Variants in NRG2 observed in about 807,000 individuals in gnomAD.
NRG2 encodes neuregulin 2.
A neutral mutation model predicts 73.9 loss-of-function variants in NRG2; 27 were observed. The ratio of observed to expected loss-of-function variants is 0.37; its 90% CI spans 0.27 to 0.50. NRG2 has a LOEUF of 0.50. NRG2 is among the 20% of genes least tolerant of loss of function. NRG2 has a pLI of 0.96. For synonymous variants in NRG2, 532 were observed against 541.0 expected, an observed-to-expected ratio of 0.98 and a Z score of 0.23; for missense variants, 1,126 against 1,210.1, an observed-to-expected ratio of 0.93 and a Z score of 1.03.
intron 1 of NRG2, among the ~76,000 whole-genome samples, chr5:139,941,359 G>A (rs1446604234): frequency 6.6e-6 from 1 of 151,252 alleles, no homozygotes; most frequent in Non-Finnish European, 1.5e-5. Context: ...GCCTATTAAT[G>A]AGAATAATAG....
Position 139,948,417 on chromosome 5 carries a change from A to G in NRG2, c.701-60906T>C, listed in dbSNP as rs1055748916. Among the ~76,000 whole-genome samples, 3 of 152,110 alleles carry G rather than the reference A, an allele frequency of 2.0e-5. No individual in the cohort carries two copies. The South Asian group carries it at 6.2e-4, about 32-fold the overall frequency. On this transcript the variant is annotated intron_variant, in intron 1 of 9. Coordinates refer to ENST00000361474, the MANE Select transcript of NRG2 (RefSeq NM_004883.3). ...CTGAGCCACTCTTTCTCCCACACAG[A>G]GGTCCGCTTCACATATAATTGTTAC... is the stretch of plus-strand genomic sequence containing the variant.
Position 139,884,493 on chromosome 5 carries a change from T to C in NRG2, c.872+2847A>G, listed in dbSNP as rs546965631. On this transcript the variant is annotated intron_variant, in intron 2 of 9. Coordinates refer to ENST00000361474, the MANE Select transcript of NRG2 (RefSeq NM_004883.3). ...AAGAGCCCCAAGGCTGTACCTGGCA[T>C]GCAGTAGGCTCTCAAGCTCTGTCTT... Among the ~76,000 whole-genome samples the C allele has an allele frequency of 5.3e-5, 8 of 152,348 alleles. No individual in the cohort carries two copies. In the South Asian group the frequency reaches 1.7e-3, roughly 32 times the overall value.
intron 1 of NRG2, among the ~76,000 whole-genome samples, chr5:140,024,243 A>G (rs891692033): frequency 2.6e-5 from 4 of 151,974 alleles, no homozygotes; most frequent in African/African-American, 9.7e-5. Context: ...AGGGTTACTA[A>G]CAGAGTAAAA....
intron 1 of NRG2, among the ~76,000 whole-genome samples, chr5:139,959,166 A>G (rs1362020986): frequency 6.6e-6 from 1 of 151,772 alleles, no homozygotes; most frequent in Non-Finnish European, 1.5e-5. Flanking sequence ...GAGACAGAGA[A>G]TAAGACTTCC....
At chr5:140,033,184 A>G (rs937282094) in intron 1 of NRG2, among the ~76,000 whole-genome samples, 2 of 152,230 alleles carry the variant, frequency 1.3e-5, no homozygotes, top group African/African-American at 4.8e-5. Context: ...AGGATGAATG[A>G]TTCAGTGTGA....
intron 1 of NRG2, among the ~76,000 whole-genome samples, chr5:139,960,527 C>T (rs548515290): frequency 6.6e-6 from 1 of 151,846 alleles, no homozygotes; most frequent in East Asian, 1.9e-4. Context: ...AACAAACAAA[C>T]AAAAAAAATT....
rs1200098194 is a variant in NRG2 at position 139,957,351 on chromosome 5, GTGCA to G, written c.701-69844_701-69841del. ...TGTGTGTGTGTGTGTGTGTGTGTGT[GTGCA>G]CATTCATATAAAGAATCCTGAGAAC... On this transcript the variant is annotated intron_variant, in intron 1 of 9. Coordinates refer to ENST00000361474, the MANE Select transcript of NRG2 (RefSeq NM_004883.3). Among the ~76,000 whole-genome samples the G allele has an allele frequency of 3.8e-5, 5 of 130,134 alleles. No homozygotes were observed. In the Admixed American group the frequency reaches 4.1e-4, roughly 11 times the overall value. The allele number at this position is 130,134 out of a possible 152,430, so 85.4% of individuals were successfully genotyped here.
At chr5:139,923,002 ACT>A (rs1476256803) in intron 1 of NRG2, among the ~76,000 whole-genome samples, 1 of 152,146 alleles carries the variant, frequency 6.6e-6, no homozygotes, top group Non-Finnish European at 1.5e-5. Context: ...AGTGAAAAAT[ACT>A]CTGTTTGATA....
chr5:139,946,953 A>G (rs1259042006), intron 1 of NRG2, among the ~76,000 whole-genome samples: 1 of 152,102 alleles, frequency 6.6e-6, no homozygotes, highest in East Asian at 1.9e-4. Flanking sequence ...GGGAAACACA[A>G]GTCAAGACTA....
In NRG2 at chr5:139,851,519, T is replaced by C. The variant is rs1417579776; in HGVS notation, c.1772+85A>G. 13 of 1,319,586 alleles carry C rather than the reference T, an allele frequency of 9.9e-6. No homozygotes were observed. The highest frequency in any genetic ancestry group is 1.4e-5 in the Non-Finnish European group (13 of 935,778). 81.7% of individuals were successfully genotyped at this position (1,319,586 alleles called of 1,614,324 possible). Reference sequence around the variant, plus strand: ...TGGAGATGAGGCTCTTTGGAGTGTTTCTGAGGGGCCCTAAGGGTCAGCCTT... The same window carrying C: ...TGGAGATGAGGCTCTTTGGAGTGTTCCTGAGGGGCCCTAAGGGTCAGCCTT... On this transcript the variant is annotated intron_variant, in intron 9 of 9. Coordinates refer to ENST00000361474, the MANE Select transcript of NRG2 (RefSeq NM_004883.3). This position sits in a 1 kb window ranked among gnomAD's most constrained non-coding sequence, Gnocchi z 4.2.
intron 9 of NRG2, among the ~76,000 whole-genome samples, chr5:139,850,008 A>T (rs1240840155): frequency 1.3e-5 from 2 of 152,176 alleles, no homozygotes; most frequent in Non-Finnish European, 2.9e-5. Flanking sequence ...ACTCTGTTCC[A>T]GGCACCTCAC....
rs1481425705 is a variant in NRG2, at chr5:139,954,734, GTC to G, written c.701-67225_701-67224del. ...TTTTCTTAACCTAAAATGCCTTTTTGTCTCTATCAAATCATTGTTATTCCCCT... is the reference window on the plus strand; with the variant it reads ...TTTTCTTAACCTAAAATGCCTTTTTGTCTATCAAATCATTGTTATTCCCCT... On this transcript the variant is annotated intron_variant, in intron 1 of 9. Transcript: ENST00000361474. This position sits in a 1 kb window ranked among gnomAD's most constrained non-coding sequence, Gnocchi z 5.0. Among the ~76,000 whole-genome samples, 1 of 152,132 alleles carries G rather than the reference GTC, an allele frequency of 6.6e-6. No individual in the cohort carries two copies. The highest frequency in any genetic ancestry group is 2.4e-5 in the African/African-American group (1 of 41,426).
At chr5:140,002,847 G>C (rs956166384) in intron 1 of NRG2, among the ~76,000 whole-genome samples, 4 of 152,248 alleles carry the variant, frequency 2.6e-5, no homozygotes, top group Admixed American at 2.6e-4. Flanking sequence ...CTTGGACCAA[G>C]TGGATAATTG....
At chr5:139,895,412 C>A (rs988895740) in intron 1 of NRG2, among the ~76,000 whole-genome samples, 8 of 152,344 alleles carry the variant, frequency 5.3e-5, no homozygotes, top group African/African-American at 1.2e-4. Context: ...CAGAGCAGGG[C>A]AGCAGTTGCT....
At chr5:139,867,778 G>GTA in intron 4 of NRG2, among the ~76,000 whole-genome samples, 1 of 127,634 alleles carries the variant, frequency 7.8e-6, no homozygotes, top group African/African-American at 4.3e-5. Flanking sequence ...GTGTGTGTGT[G>GTA]TGTGTGTGTG....
At chr5:139,979,054 G>C (rs1179340764) in intron 1 of NRG2, among the ~76,000 whole-genome samples, 1 of 137,002 alleles carries the variant, frequency 7.3e-6, no homozygotes, top group Non-Finnish European at 1.5e-5. Flanking sequence ...CAAGGACACA[G>C]GAAGGGAGCA....
At chr5:139,985,975 C>T (rs1239670935) in intron 1 of NRG2, among the ~76,000 whole-genome samples, 1 of 152,138 alleles carries the variant, frequency 6.6e-6, no homozygotes, top group Admixed American at 6.5e-5. Flanking sequence ...GTGGGGCTCC[C>T]AGGGCTATAT....
At chr5:139,925,101 CAT>C (rs911427269) in intron 1 of NRG2, among the ~76,000 whole-genome samples, 3 of 152,170 alleles carry the variant, frequency 2.0e-5, no homozygotes, top group African/African-American at 7.2e-5. Flanking sequence ...GGCTAATAAA[CAT>C]ATTCAGATGA....
intron 1 of NRG2, among the ~76,000 whole-genome samples, chr5:140,029,201 C>T (rs989009927): frequency 6.6e-6 from 1 of 152,130 alleles, no homozygotes; most frequent in African/African-American, 2.4e-5. Flanking sequence ...ATACCACAAT[C>T]GATAACTGCC....
Sources: gnomAD v4.1 joint callset for allele counts (sites outside exome capture counted in the v4.1 genomes callset) on GRCh38, gnomAD v4.1.1 for gene constraint, Gnocchi (gnomAD v3.1) non-coding constraint, MANE v1.5 for transcripts, NCBI Gene and HGNC (gene_info 2026-07-23, HGNC 2026-07-21) for gene names.